The following PLEKHG7 variants were observed in gnomAD, a reference collection of about 807,000 sequenced individuals.
PLEKHG7 encodes pleckstrin homology domain-containing family G member 7.
A neutral mutation model predicts 85.2 loss-of-function variants in PLEKHG7; 77 were observed. That is an observed-to-expected ratio of 0.90 (90% CI 0.75 to 1.09). The LOEUF (loss-of-function observed/expected upper bound fraction) is 1.09. Ranked by LOEUF, PLEKHG7 falls within the 50% of genes least tolerant of loss-of-function variation. PLEKHG7 has a pLI of 0.00. For synonymous variants in PLEKHG7, 301 were observed against 302.4 expected, an observed-to-expected ratio of 1.00 and a Z score of 0.05; for missense variants, 777 against 804.3, an observed-to-expected ratio of 0.97 and a Z score of 0.41.
intron 4 of PLEKHG7, among the ~76,000 whole-genome samples, chr12:92,731,413 A>G (rs1202032866): frequency 1.3e-5 from 2 of 152,166 alleles, no homozygotes; most frequent in African/African-American, 4.8e-5. Flanking sequence ...CTTCCCTTTG[A>G]TTGAATTATT....
At chr12:92,729,280 A>G (rs1871912652) in intron 4 of PLEKHG7, among the ~76,000 whole-genome samples, 160 bp downstream of exon 4, 1 of 151,814 alleles carries the variant, frequency 6.6e-6, no homozygotes, top group South Asian at 2.1e-4. Flanking sequence ...TGTTACTGGA[A>G]TTACGGGAAC....
At chr12:92,730,801 C>T (rs1196342081) in intron 4 of PLEKHG7, among the ~76,000 whole-genome samples, 2 of 152,202 alleles carry the variant, frequency 1.3e-5, no homozygotes, top group South Asian at 2.1e-4. Flanking sequence ...ACAAGTTCAT[C>T]GCTGCTTCTA....
chr12:92,747,886 G>A (rs10777447), intron 10 of PLEKHG7, among the ~76,000 whole-genome samples: 63,474 of 151,952 alleles, frequency 0.42, 14,449 homozygotes, highest in East Asian at 0.89. Context: ...GTTACCAGAG[G>A]CTGGGAAGAG....
chr12:92,732,997 G>A (rs1420392872), intron 5 of PLEKHG7, among the ~76,000 whole-genome samples: 3 of 152,190 alleles, frequency 2.0e-5, no homozygotes, highest in Non-Finnish European at 2.9e-5. Context: ...CTTATGGACT[G>A]TTACTATGCC....
chr12:92,730,732 TA>T (rs1565790040), intron 4 of PLEKHG7, among the ~76,000 whole-genome samples: 2 of 152,392 alleles, frequency 1.3e-5, no homozygotes, highest in Middle Eastern at 3.4e-3. Context: ...CAGTCTTTTT[TA>T]ACAAGTTCTG....
chr12:92,768,226 A>T lies in PLEKHG7; in HGVS notation c.1871-757A>T, dbSNP rs1873275286. Reference sequence around the variant, plus strand: ...CGTCTCAAGAAAAAAAAAAAAAGAGAGAAAAAAGAATGTGTAAGCTTCAGG... The same window carrying T: ...CGTCTCAAGAAAAAAAAAAAAAGAGTGAAAAAAGAATGTGTAAGCTTCAGG... On this transcript the variant is annotated intron_variant, in intron 15 of 16. Transcript: ENST00000344636. Among the ~76,000 whole-genome samples the T allele has an allele frequency of 3.3e-5, 5 of 151,514 alleles. No individual in the cohort carries two copies. The South Asian group carries it at 1.0e-3, about 31-fold the overall frequency.
chr12:92,736,231 T>C (rs1872142318), intron 5 of PLEKHG7, among the ~76,000 whole-genome samples: 1 of 152,102 alleles, frequency 6.6e-6, no homozygotes, highest in African/African-American at 2.4e-5. Context: ...TTTTTTTTTT[T>C]TTAATTTGTA....
At chr12:92,739,971 G>A (rs1259818702) in intron 7 of PLEKHG7, among the ~76,000 whole-genome samples, 3 of 152,154 alleles carry the variant, frequency 2.0e-5, no homozygotes, top group African/African-American at 7.2e-5. Context: ...CATGTTCTCA[G>A]ACCCCGTCAC....
At chr12:92,715,826 G>A (rs4760489) in intron 3 of PLEKHG7, among the ~76,000 whole-genome samples, 69,885 of 151,034 alleles carry the variant, frequency 0.46, 17,303 homozygotes, top group East Asian at 0.9. Context: ...ACACACCAAC[G>A]CCCACTCATT....
intron 3 of PLEKHG7, among the ~76,000 whole-genome samples, chr12:92,727,927 GGTGTGTGTGT>G (rs540230230): frequency 1.9e-4 from 16 of 84,986 alleles, no homozygotes; most frequent in Middle Eastern, 6.4e-3. Flanking sequence ...GGTATTCTAT[GGTGTGTGTGT>G]GTGTGTGTGT....
At chr12:92,732,729 G>A (rs1176982381) in intron 5 of PLEKHG7, among the ~76,000 whole-genome samples, 21 of 152,142 alleles carry the variant, frequency 1.4e-4, no homozygotes, top group Non-Finnish European at 1.5e-5. Context: ...TAATCCTAGT[G>A]GGTTTAAATT....
chr12:92,747,008 A>G (rs947711345), intron 10 of PLEKHG7, among the ~76,000 whole-genome samples: 4 of 152,224 alleles, frequency 2.6e-5, no homozygotes, highest in Non-Finnish European at 5.9e-5. Context: ...AGCATAGGCA[A>G]CAAAAACAAA....
chr12:92,757,712 T>C (rs960205033), intron 13 of PLEKHG7, among the ~76,000 whole-genome samples: 2 of 152,138 alleles, frequency 1.3e-5, no homozygotes, highest in Non-Finnish European at 2.9e-5. Flanking sequence ...GGTGGGTAAA[T>C]GACCGAGTAC....
In PLEKHG7 at chr12:92,741,569, G is replaced by A; in HGVS notation, c.1114G>A (p.Asp372Asn). 3.1e-6 allele frequency: 5 copies of A among 1,612,954 alleles called. No individual in the cohort carries two copies. Among genetic ancestry groups the A allele is most frequent in the Non-Finnish European group, 4.2e-6 (5 of 1,179,432 alleles). ...VDASEISSSL[D>N]FISVLTKYFR... The stretch of plus-strand genomic sequence containing the variant: ...CGCTTCTGAGATTTCCTCATCACTG[G>A]ATTTTATTTCCGTGCTCACAAAGGT... Residue 372 changes from aspartate to asparagine, a missense_variant, in exon 9 of 17, where the codon GAT (aspartate) becomes AAT (asparagine). By Grantham distance (23) the Asp-to-Asn change is conservative. Transcript: ENST00000344636.
At position 92,755,861 on chromosome 12, in the gene PLEKHG7, T is replaced by C. The variant is rs1361216333; in HGVS notation, c.1463T>C (p.Phe488Ser). ...LEGKVKWLDNFQKFRYLQEII... is the reference protein window; with the variant it reads ...LEGKVKWLDNSQKFRYLQEII... ...GGAAAAGTGAAGTGGCTGGACAATT[T>C]CCAAAAATTTAGATATCTACAGGAG... The change falls in exon 12 of 17, where the codon TTC (phenylalanine) becomes TCC (serine). Residue 488 changes from phenylalanine (F) to serine (S), a missense_variant. This residue lies in a region of PLEKHG7 where 520 missense variants were observed against 544.0 expected (regional missense o/e 0.96). Transcript: ENST00000344636. 3.1e-6 allele frequency: 5 copies of C among 1,613,598 alleles called. No individual in the cohort carries two copies. In the African/African-American group the frequency reaches 5.3e-5, roughly 17 times the overall value.
intron 3 of PLEKHG7, among the ~76,000 whole-genome samples, chr12:92,727,593 T>C (rs1390829909): frequency 1.3e-5 from 2 of 152,084 alleles, no homozygotes; most frequent in Non-Finnish European, 2.9e-5. Flanking sequence ...AATAATTTCA[T>C]GCTTTTTTTT....
intron 4 of PLEKHG7, among the ~76,000 whole-genome samples, chr12:92,729,971 A>C (rs930320301): frequency 6.6e-6 from 1 of 152,112 alleles, no homozygotes; most frequent in Non-Finnish European, 1.5e-5. Context: ...AGAAAGGAGA[A>C]GTGGCCTAGT....
At chr12:92,760,446 G>A (rs1872954161) in intron 13 of PLEKHG7, among the ~76,000 whole-genome samples, 1 of 152,032 alleles carries the variant, frequency 6.6e-6, no homozygotes, top group South Asian at 2.1e-4. Flanking sequence ...AGATAGAAAT[G>A]AATCCTAAAT....
chr12:92,761,542 A>AAG (rs1264754414), intron 13 of PLEKHG7, among the ~76,000 whole-genome samples: 1 of 28,204 alleles, frequency 3.5e-5, no homozygotes, highest in Non-Finnish European at 7.4e-5. Context: ...GATTAAAAAA[A>AAG]AGAGAGAAAG....
Sources: allele counts gnomAD v4.1 joint callset (sites outside exome capture counted in the v4.1 genomes callset), GRCh38; gene constraint gnomAD v4.1.1; regional missense constraint gnomAD v4.1.1; transcripts MANE v1.5; gene names NCBI Gene and HGNC (gene_info 2026-07-23, HGNC 2026-07-21).